Variants in HDAC9 observed in about 807,000 individuals in gnomAD.
HDAC9 encodes the protein MEF-2 interacting transcription repressor (MITR) protein.
HDAC9 carries 41 observed loss-of-function variants against 139.4 expected under a neutral mutation model. The ratio of observed to expected loss-of-function variants is 0.29; its 90% CI spans 0.23 to 0.38. The LOEUF is 0.38. Among genes scored for constraint, HDAC9 ranks in the 10% least tolerant of loss-of-function variants. The pLI is 1.00. For missense variants in HDAC9, 1,147 were observed against 1,297.0 expected, an observed-to-expected ratio of 0.88 and a Z score of 1.78; for synonymous variants, 517 against 476.2, an observed-to-expected ratio of 1.09 and a Z score of -1.12.
rs2301589 is a variant in HDAC9 at position 18,751,045 on chromosome 7, G to C, written c.2043+1907G>C. ...CTGTTTATGAAAGGAACAGAGTACA[G>C]AAATAAATGGAATTTGATATGATTC... On this transcript the variant is annotated intron_variant, in intron 14 of 25. Coordinates refer to ENST00000686413, the MANE Select transcript of HDAC9 (RefSeq NM_178425.4). Among the ~76,000 whole-genome samples, 13 of 152,252 alleles carry C rather than the reference G, an allele frequency of 8.5e-5. No homozygotes were observed. The East Asian group carries it at 2.5e-3, about 29-fold the overall frequency.
intron 12 of HDAC9, among the ~76,000 whole-genome samples, chr7:18,678,043 T>G (rs970963039): frequency 2.0e-5 from 3 of 151,908 alleles, no homozygotes; most frequent in African/African-American, 4.8e-5. Flanking sequence ...CAGCACCTCT[T>G]TTTTTGAAAA....
intron 12 of HDAC9, among the ~76,000 whole-genome samples, chr7:18,710,739 C>T (rs1040484288): frequency 1.3e-5 from 2 of 152,108 alleles, no homozygotes; most frequent in South Asian, 2.1e-4. Flanking sequence ...TGAAAATGTA[C>T]GTGCTATTCC....
intron 2 of HDAC9, among the ~76,000 whole-genome samples, chr7:18,185,292 C>T: frequency 6.6e-6 from 1 of 152,186 alleles, no homozygotes; most frequent in South Asian, 2.1e-4. Context: ...GAACCAGGAC[C>T]ACCACCTCAA....
At chr7:18,272,410 A>T (rs564687162) in intron 2 of HDAC9, among the ~76,000 whole-genome samples, 3 of 152,280 alleles carry the variant, frequency 2.0e-5, no homozygotes, top group Admixed American at 2.0e-4. Flanking sequence ...GGATGTAGGG[A>T]TAATTTTTTT....
chr7:18,913,423 T>C (rs867714737), intron 22 of HDAC9, among the ~76,000 whole-genome samples: 52 of 152,140 alleles, frequency 3.4e-4, no homozygotes, highest in African/African-American at 1.2e-3. Context: ...CTACTTGACA[T>C]ACGTGGTACC....
intron 1 of HDAC9, among the ~76,000 whole-genome samples, chr7:18,414,158 A>G (rs1335058364): frequency 1.3e-5 from 2 of 152,190 alleles, no homozygotes; most frequent in Non-Finnish European, 2.9e-5. Context: ...TTTAATTTCA[A>G]AATGTATTTA....
At chr7:18,315,599 A>G (rs1027814071) in intron 1 of HDAC9, among the ~76,000 whole-genome samples, 16 of 152,256 alleles carry the variant, frequency 1.1e-4, no homozygotes, top group Admixed American at 9.8e-4. Context: ...TTATTTCTGT[A>G]GAAAAGGATG....
At chr7:18,422,820 T>C (rs1205968522) in intron 1 of HDAC9, among the ~76,000 whole-genome samples, 1 of 151,996 alleles carries the variant, frequency 6.6e-6, no homozygotes, top group African/African-American at 2.4e-5. Flanking sequence ...TAAAGGTTAT[T>C]TTTTTCCCCT....
intron 2 of HDAC9, among the ~76,000 whole-genome samples, chr7:18,512,011 A>G (rs1005080045): frequency 3.7e-5 from 5 of 136,046 alleles, no homozygotes; most frequent in African/African-American, 1.3e-4. Context: ...TTAATAATGA[A>G]TTAAGCAAAA....
At chr7:18,869,565 A>C (rs559561798) in intron 21 of HDAC9, among the ~76,000 whole-genome samples, 16 of 152,214 alleles carry the variant, frequency 1.1e-4, no homozygotes, top group African/African-American at 3.9e-4. Flanking sequence ...GTATTTCTTC[A>C]TAGCAGTGCA....
At position 18,687,317 on chromosome 7, in the gene HDAC9, T is replaced by C. The variant is rs558618464; in HGVS notation, c.1731+20841T>C. ...TAAATAAATCTTCTACTCAATGCAC[T>C]GGCCATGCCAGATCCCTTTATGTGT... On this transcript the variant is annotated intron_variant, in intron 12 of 25. Coordinates refer to ENST00000686413, the MANE Select transcript of HDAC9 (RefSeq NM_178425.4). Among the ~76,000 whole-genome samples, 14 of 151,944 alleles carry C rather than the reference T, an allele frequency of 9.2e-5. No homozygotes were observed. In the South Asian group the frequency reaches 2.9e-3, roughly 31 times the overall value.
At chr7:18,920,224 G>T (rs1225197480) in intron 22 of HDAC9, among the ~76,000 whole-genome samples, 2 of 152,124 alleles carry the variant, frequency 1.3e-5, no homozygotes, top group African/African-American at 4.8e-5. Context: ...TCCCTTGTAA[G>T]TTGGATTCCT....
chr7:18,198,043 C>T (rs1277799760), intron 2 of HDAC9, among the ~76,000 whole-genome samples: 1 of 152,112 alleles, frequency 6.6e-6, no homozygotes, highest in Non-Finnish European at 1.5e-5. Flanking sequence ...TTGTTCTAAG[C>T]TGCAAAAATG....
chr7:18,980,831 C>CTTTTT (rs1022484550), intron 25 of HDAC9, among the ~76,000 whole-genome samples: 1 of 141,850 alleles, frequency 7.0e-6, no homozygotes, highest in Non-Finnish European at 1.5e-5. Context: ...CCTTCTTCTT[C>CTTTTT]TTTTTTTTTT....
chr7:18,346,973 C>G (rs1212812000), intron 1 of HDAC9, among the ~76,000 whole-genome samples: 3 of 152,108 alleles, frequency 2.0e-5, no homozygotes, highest in Admixed American at 2.0e-4. Context: ...ATAGGAGAGG[C>G]TGGCGGCACA....
intron 1 of HDAC9, among the ~76,000 whole-genome samples, chr7:18,095,354 A>G (rs1782439251): frequency 1.3e-5 from 2 of 152,158 alleles, no homozygotes; most frequent in Non-Finnish European, 1.5e-5. Context: ...AGGCTACTGT[A>G]TTAGGAAAGT....
chr7:18,735,150 T>C (rs1379704464), intron 13 of HDAC9, among the ~76,000 whole-genome samples: 1 of 152,234 alleles, frequency 6.6e-6, no homozygotes, highest in Non-Finnish European at 1.5e-5. Context: ...CTTTGTCAGA[T>C]GGGTAGATTG....
intron 2 of HDAC9, among the ~76,000 whole-genome samples, chr7:18,220,375 A>G (rs1313114101): frequency 6.6e-6 from 1 of 152,200 alleles, no homozygotes; most frequent in Admixed American, 6.5e-5. Context: ...AAAGCAAGCA[A>G]TAGACTAGCA....
intron 1 of HDAC9, among the ~76,000 whole-genome samples, chr7:18,311,059 A>G (rs922256168): frequency 6.6e-6 from 1 of 151,570 alleles, no homozygotes; most frequent in African/African-American, 2.4e-5. Flanking sequence ...TTTTATATTG[A>G]TATTATTTGT....
Sources: allele counts gnomAD v4.1 joint callset (sites outside exome capture counted in the v4.1 genomes callset), GRCh38; gene constraint gnomAD v4.1.1; transcripts MANE v1.5; gene names NCBI Gene and HGNC (gene_info 2026-07-23, HGNC 2026-07-21).